FSTL5: variants seen among roughly 807,000 people sequenced by gnomAD.
The protein encoded by FSTL5 is follistatin like 5.
A neutral mutation model predicts 89.1 loss-of-function variants in FSTL5; 62 were observed. The ratio of observed to expected loss-of-function variants is 0.70; its 90% confidence interval spans 0.57 to 0.86. FSTL5 has a LOEUF of 0.86. Ranked by LOEUF, FSTL5 falls within the 40% of genes least tolerant of loss-of-function variation. The probability of loss-of-function intolerance (pLI) is 0.00; values close to 1 mark genes in which losing one functional copy is unlikely to be tolerated. For missense variants in FSTL5, 1,057 were observed against 1,001.6 expected, an observed-to-expected ratio of 1.06 and a Z score of -0.75; for synonymous variants, 383 against 346.2, an observed-to-expected ratio of 1.11 and a Z score of -1.18.
intron 1 of FSTL5, among the ~76,000 whole-genome samples, chr4:162,162,126 T>C (rs1374022353): frequency 3.3e-5 from 5 of 152,228 alleles, no homozygotes; most frequent in Non-Finnish European, 4.4e-5. Context: ...ACAATATGCA[T>C]TGCTTGTGAC....
chr4:162,014,691 T>G (rs537976410), intron 3 of FSTL5, among the ~76,000 whole-genome samples: 6 of 152,254 alleles, frequency 3.9e-5, no homozygotes, highest in Admixed American at 3.3e-4. Context: ...CATGATTTGT[T>G]TGAATGGATG....
chr4:162,038,749 T>C (rs1368649436), intron 2 of FSTL5, among the ~76,000 whole-genome samples: 1 of 151,888 alleles, frequency 6.6e-6, no homozygotes, highest in African/African-American at 2.4e-5. Context: ...CACTAAAAAT[T>C]TCTGGCTACA....
At chr4:161,443,671 T>C (rs2126373854) in intron 15 of FSTL5, among the ~76,000 whole-genome samples, 1 of 152,108 alleles carries the variant, frequency 6.6e-6, no homozygotes, top group East Asian at 1.9e-4. Context: ...AAGTAAATTC[T>C]GAGAGCGGTG....
chr4:161,874,947 A>T (rs969330212), intron 4 of FSTL5, among the ~76,000 whole-genome samples: 1 of 152,130 alleles, frequency 6.6e-6, no homozygotes, highest in African/African-American at 2.4e-5. Context: ...ATACACACAC[A>T]CACGCCATCT....
intron 8 of FSTL5, among the ~76,000 whole-genome samples, chr4:161,555,660 T>G (rs2126563405): frequency 6.6e-6 from 1 of 151,696 alleles, no homozygotes; most frequent in Non-Finnish European, 1.5e-5. Flanking sequence ...TTCTGAGTCT[T>G]GATTTCTCCA....
chr4:161,940,155 A>G (rs1241769203), intron 3 of FSTL5, among the ~76,000 whole-genome samples: 1 of 151,854 alleles, frequency 6.6e-6, no homozygotes, highest in African/African-American at 2.4e-5. Context: ...ACTGAGAATT[A>G]TTTTCAGGAT....
chr4:161,968,947 ACACACACACACACTCACATAAG>A (rs1735402522), intron 3 of FSTL5, among the ~76,000 whole-genome samples: 1 of 121,810 alleles, frequency 8.2e-6, no homozygotes, highest in African/African-American at 2.9e-5. Flanking sequence ...ACACACACAC[ACACACACACACACTCACATAAG>A]CACACACACA....
intron 15 of FSTL5, among the ~76,000 whole-genome samples, chr4:161,398,716 T>A (rs1179227307): frequency 6.6e-6 from 1 of 152,150 alleles, no homozygotes; most frequent in Non-Finnish European, 1.5e-5. Context: ...AGGCACTTTC[T>A]TATATTCCTA....
At chr4:161,669,012 C>T (rs191744957) in intron 6 of FSTL5, among the ~76,000 whole-genome samples, 227 of 148,358 alleles carry the variant, frequency 1.5e-3, no homozygotes, top group African/African-American at 5.3e-3. Flanking sequence ...CTCAGGAGGC[C>T]GAGGCAGAAG....
chr4:162,074,331 C>T (rs1729746576), intron 2 of FSTL5, among the ~76,000 whole-genome samples: 1 of 151,160 alleles, frequency 6.6e-6, no homozygotes, highest in Non-Finnish European at 1.5e-5. Flanking sequence ...GTAATGTTTG[C>T]CAGGTTTTTA....
intron 4 of FSTL5, among the ~76,000 whole-genome samples, chr4:161,789,471 A>G (rs1278013102): frequency 6.6e-6 from 1 of 152,176 alleles, no homozygotes; most frequent in Non-Finnish European, 1.5e-5. Flanking sequence ...GTGCGAACGA[A>G]TTCTGATGGG....
At chr4:161,634,520 A>C (rs1409716735) in intron 7 of FSTL5, among the ~76,000 whole-genome samples, 1 of 152,220 alleles carries the variant, frequency 6.6e-6, no homozygotes, top group Non-Finnish European at 1.5e-5. Context: ...ATGGATAAAG[A>C]AAATACAGTA....
intron 7 of FSTL5, among the ~76,000 whole-genome samples, chr4:161,606,877 G>A (rs1182688621): frequency 1.3e-5 from 2 of 152,090 alleles, no homozygotes; most frequent in African/African-American, 2.4e-5. Context: ...GGTTATATGG[G>A]AAGAGATAAA....
chr4:161,959,676 T>G (rs1463938326), intron 3 of FSTL5, among the ~76,000 whole-genome samples: 2 of 152,158 alleles, frequency 1.3e-5, no homozygotes, highest in Non-Finnish European at 2.9e-5. Context: ...ACTAGAGATG[T>G]TTCTTGGTAT....
intron 8 of FSTL5, among the ~76,000 whole-genome samples, chr4:161,573,310 T>C (rs555127267): frequency 6.7e-6 from 1 of 150,220 alleles, no homozygotes; most frequent in East Asian, 2.0e-4. Context: ...CCTGGGAGGC[T>C]GAGGTGGGAG....
chr4:162,009,889 GC>G, intron 3 of FSTL5, among the ~76,000 whole-genome samples: 1 of 151,588 alleles, frequency 6.6e-6, no homozygotes, highest in Non-Finnish European at 1.5e-5. Flanking sequence ...ATGAAATATA[GC>G]ATGCAATTGT....
intron 4 of FSTL5, among the ~76,000 whole-genome samples, chr4:161,847,843 C>T (rs891881491): frequency 6.6e-6 from 1 of 151,716 alleles, no homozygotes; most frequent in African/African-American, 2.4e-5. Flanking sequence ...TTGAGACCAG[C>T]CTGGACAACA....
chr4:161,767,976 C>T (rs1172609300), intron 5 of FSTL5, among the ~76,000 whole-genome samples: 2 of 100,630 alleles, frequency 2.0e-5, no homozygotes, highest in Non-Finnish European at 3.4e-5. Context: ...GAGAGAGAAC[C>T]TTCTGTTCTA....
chr4:161,471,355 A>G (rs2126434440), intron 13 of FSTL5, among the ~76,000 whole-genome samples: 1 of 152,302 alleles, frequency 6.6e-6, no homozygotes, highest in Admixed American at 6.5e-5. Flanking sequence ...GTTTATTACA[A>G]TGATCTGTTT....
Sources: gnomAD v4.1 joint callset for allele counts (sites outside exome capture counted in the v4.1 genomes callset) on GRCh38, gnomAD v4.1.1 for gene constraint, MANE v1.5 for transcripts, NCBI Gene and HGNC (gene_info 2026-07-23, HGNC 2026-07-21) for gene names.